Variants in HJURP observed in about 807,000 individuals in gnomAD.
HJURP encodes the protein 14-3-3-associated AKT substrate.
In HJURP, 49 loss-of-function variants were observed where a neutral mutation model predicts 72.0. That is an observed-to-expected ratio of 0.68 (90% confidence interval 0.54 to 0.86). The LOEUF (loss-of-function observed/expected upper bound fraction) is 0.86. HJURP is among the 40% of genes least tolerant of loss of function. HJURP has a pLI of 0.00. For missense variants in HJURP, 908 were observed against 936.3 expected (o/e 0.97, Z 0.39); for synonymous variants, 357 against 347.1 (o/e 1.03, Z -0.32).
intron 3 of HJURP, among the ~76,000 whole-genome samples, chr2:233,850,990 C>T (rs1342707215): frequency 3.3e-5 from 5 of 152,202 alleles, no homozygotes. Context: ...ACACTGTCAC[C>T]AATAGCAATT....
intron 4 of HJURP, among the ~76,000 whole-genome samples, chr2:233,848,819 G>C (rs1318381567): frequency 1.3e-5 from 2 of 152,098 alleles, no homozygotes; most frequent in African/African-American, 2.4e-5. Context: ...GAAGGGCAAA[G>C]GCAGCTCAAA....
At chr2:233,851,488 A>C (rs1427370741) in intron 3 of HJURP, among the ~76,000 whole-genome samples, 5 of 152,212 alleles carry the variant, frequency 3.3e-5, no homozygotes, top group Non-Finnish European at 7.3e-5. Context: ...CTTTGTGGAA[A>C]AAGTGTGCTG....
At chr2:233,843,475 C>T (rs983791908) in intron 7 of HJURP, among the ~76,000 whole-genome samples, 10 of 152,064 alleles carry the variant, frequency 6.6e-5, no homozygotes, top group South Asian at 2.1e-4. Flanking sequence ...AGTAATTTTG[C>T]CAAAAATGTT....
chr2:233,849,783 T>C lies in HJURP; in HGVS notation c.317A>G (p.His106Arg), dbSNP rs970547631. 6.4e-6 allele frequency: 10 copies of C among 1,553,770 alleles called. No homozygotes were observed. In the South Asian group the frequency reaches 1.2e-4, roughly 18 times the overall value. The change falls in exon 4 of 9, where the codon CAC (histidine) becomes CGC (arginine). Residue 106 changes from histidine (H) to arginine (R), a missense_variant. By Grantham distance (29) the His-to-Arg change is conservative (BLOSUM62 0). Coordinates refer to ENST00000411486, the MANE Select transcript of HJURP (RefSeq NM_018410.5). ...CTCACCGGCTCCCAGGACTGTGCGG[T>C]GCGAGGGAAGCTCAGGACCCCAGGC... Reference protein sequence around the residue: ...AAAWGPELPSHRTVLGADSKS... With the variant: ...AAAWGPELPSRRTVLGADSKS...
At chr2:233,853,770 G>A in intron 2 of HJURP, 74 bp downstream of exon 2, 1 of 1,239,776 alleles carries the variant, frequency 8.1e-7, no homozygotes, top group Non-Finnish European at 1.2e-6. Context: ...CTTCTTAAGA[G>A]AGCAGGGACA....
chr2:233,837,809 G>C (rs1574638519), intron 8 of HJURP, among the ~76,000 whole-genome samples, 157 bp from the exon 9 acceptor site: 1 of 152,166 alleles, frequency 6.6e-6, no homozygotes, highest in East Asian at 1.9e-4. Context: ...TTATGTTAAA[G>C]AAACAACAAA....
intron 8 of HJURP, among the ~76,000 whole-genome samples, chr2:233,839,285 G>A (rs1705157261): frequency 6.6e-6 from 1 of 152,186 alleles, no homozygotes. Flanking sequence ...ACCATGTGCA[G>A]CCCCTGGGAG....
chr2:233,840,218 C>A (rs941727298), intron 8 of HJURP, among the ~76,000 whole-genome samples: 1 of 152,184 alleles, frequency 6.6e-6, no homozygotes, highest in Non-Finnish European at 1.5e-5. Flanking sequence ...GGAAGTCATT[C>A]GCTTTAGATC....
rs959056391 is a variant in HJURP, at chr2:233,845,233, C to T, written c.495+495G>A. ...GTGGCACAATCTCAGCTCACTGCAA[C>T]CTCCGCCTCCTGGGTTCAAGCGATT... On this transcript the variant is annotated intron_variant, in intron 6 of 8. Coordinates refer to ENST00000411486, the MANE Select transcript of HJURP (RefSeq NM_018410.5). 3.3e-5 allele frequency among the ~76,000 whole-genome samples: 5 copies of T among 151,946 alleles called. No individual in the cohort carries two copies. The East Asian group carries it at 7.7e-4, about 23-fold the overall frequency.
At position 233,847,442 on chromosome 2, in the gene HJURP, G is replaced by A. The variant is rs1404097362; in HGVS notation, c.357C>T (p.Val119=). Residue 119 remains valine (V), a synonymous_variant, in exon 5 of 9, where the codon GTC becomes GTT. Transcript: ENST00000411486. Reference sequence around the variant, plus strand: ...ACTCTTCCTGGTCTGACGTGGCATCGACCTCACCGCTTTTTGAATCTAAAA... The same window carrying A: ...ACTCTTCCTGGTCTGACGTGGCATCAACCTCACCGCTTTTTGAATCTAAAA... ...VLGADSKSGE[V]DATSDQEESV... 5 of 1,613,828 alleles carry A rather than the reference G, an allele frequency of 3.1e-6. No individual in the cohort carries two copies. The highest frequency in any genetic ancestry group is 1.7e-5 in the Admixed American group (1 of 59,992).
chr2:233,844,372 G>T, intron 6 of HJURP, 89 bp from the exon 7 acceptor site: 1 of 911,204 alleles, frequency 1.1e-6, no homozygotes, highest in Non-Finnish European at 1.8e-6. Context: ...GATGCGGACT[G>T]TGCATCTTAG....
intron 4 of HJURP, among the ~76,000 whole-genome samples, chr2:233,849,070 T>G (rs760547903): frequency 3.3e-5 from 5 of 152,056 alleles, no homozygotes; most frequent in African/African-American, 1.2e-4. Context: ...TCACCCAGAG[T>G]TGGGCTTTAG....
intron 8 of HJURP, 87 bp downstream of exon 8, chr2:233,840,522 T>C (rs1705193272): frequency 7.5e-7 from 1 of 1,335,380 alleles, no homozygotes; most frequent in East Asian, 2.3e-5. Context: ...TCACTAAACG[T>C]GGCGCAAAGA....
At chr2:233,837,694 T>C (rs749887524) in intron 8 of HJURP, 42 bp from the exon 9 acceptor site, 2 of 1,337,080 alleles carry the variant, frequency 1.5e-6, no homozygotes, top group South Asian at 1.2e-5. Context: ...TTAGCAAAAT[T>C]CTAGAATTCC....
At chr2:233,852,768 C>G in intron 2 of HJURP, 148 bp from the exon 3 acceptor site, 1 of 599,908 alleles carries the variant, frequency 1.7e-6, no homozygotes, top group Non-Finnish European at 2.9e-6. Context: ...GCGATTGTTC[C>G]TCTTTGTAAA....
Position 233,840,766 on chromosome 2 carries a change from C to T in HJURP, c.2014G>A (p.Gly672Ser), listed in dbSNP as rs780635722. Residue 672 changes from glycine (G) to serine (S), a missense_variant, in exon 8 of 9, where the codon GGC becomes AGC. Gly to Ser is a moderately conservative substitution (Grantham distance 56). Coordinates refer to ENST00000411486, the MANE Select transcript of HJURP (RefSeq NM_018410.5). ...TCVARAITRD[G>S]TRDHQFPAKR... ...GCAGGGAACTGATGGTCCCTCGTGCCATCCCTCGTGATGGCACGAGCAACA... is the reference window on the plus strand; with the variant it reads ...GCAGGGAACTGATGGTCCCTCGTGCTATCCCTCGTGATGGCACGAGCAACA... The T allele has an allele frequency of 6.4e-5, 103 of 1,613,860 alleles. 1 individual carries two copies. Among genetic ancestry groups the T allele is most frequent in the Non-Finnish European group, 8.5e-5 (100 of 1,179,980 alleles).
At position 233,844,291 on chromosome 2, in the gene HJURP, C is replaced by T. The variant is rs370435470; in HGVS notation, c.496-8G>A. ...AGCTCTGTTACCTGCACACTGAAAT[C>T]AGAGCCAGTGGTTACAAGAAAAAAG... On this transcript the variant is annotated splice_polypyrimidine_tract_variant and splice_region_variant and intron_variant, in intron 6 of 8. Transcript: ENST00000411486. The T allele has an allele frequency of 1.2e-6, 2 of 1,613,622 alleles. No individual in the cohort carries two copies. Among genetic ancestry groups the T allele is most frequent in the African/African-American group, 2.7e-5 (2 of 74,918 alleles).
intron 8 of HJURP, among the ~76,000 whole-genome samples, chr2:233,838,092 G>A (rs542110723): frequency 2.0e-5 from 3 of 152,386 alleles, no homozygotes; most frequent in Non-Finnish European, 4.4e-5. Context: ...AGAGCACTCA[G>A]ACGTTAGGCA....
chr2:233,837,285 A>AAAACAAAC lies in HJURP; in HGVS notation c.*284_*291dup, dbSNP rs76861089. 457 of 284,070 alleles carry AAAACAAAC rather than the reference A, an allele frequency of 1.6e-3. 5 individuals carry two copies. Among genetic ancestry groups the AAAACAAAC allele is most frequent in the African/African-American group, 0.01 (419 of 41,222 alleles). 17.6% of individuals were successfully genotyped at this position (284,070 alleles called of 1,614,324 possible). On this transcript the variant is annotated 3_prime_UTR_variant, in exon 9 of 9. Coordinates refer to ENST00000411486, the MANE Select transcript of HJURP (RefSeq NM_018410.5). Reference sequence around the variant, plus strand: ...TGGGCGATAGAGAGAGACTGTCTCAAAAACAAACAAACAAACAAACAAACA... The same window carrying AAAACAAAC: ...TGGGCGATAGAGAGAGACTGTCTCAAAAACAAACAAACAAACAAACAAACAAACAAACA...
Sources: gnomAD v4.1 joint callset for allele counts (sites outside exome capture counted in the v4.1 genomes callset) on GRCh38, gnomAD v4.1.1 for gene constraint, MANE v1.5 for transcripts, NCBI Gene and HGNC (gene_info 2026-07-23, HGNC 2026-07-21) for gene names.